Variants in TBC1D5 observed in about 807,000 individuals in gnomAD.
TBC1D5 encodes TBC1 domain family member 5.
Under a neutral mutation model 100.3 loss-of-function variants are expected in TBC1D5, and 75 were observed. The ratio of observed to expected loss-of-function variants is 0.75; its 90% CI spans 0.62 to 0.91. TBC1D5 has a LOEUF of 0.91. Among genes scored for constraint, TBC1D5 ranks in the 40% least tolerant of loss-of-function variants. TBC1D5 has a pLI of 0.00. For missense variants in TBC1D5, 910 were observed against 942.4 expected (o/e 0.97, Z 0.45); for synonymous variants, 323 against 325.6 (o/e 0.99, Z 0.09).
At position 17,508,563 on chromosome 3, in the gene TBC1D5, T is replaced by TG; in HGVS notation, c.7dup (p.His3ProfsTer5). 3 of 1,613,186 alleles carry TG rather than the reference T, an allele frequency of 1.9e-6. No individual in the cohort carries two copies. The highest frequency in any genetic ancestry group is 2.5e-6 in the Non-Finnish European group (3 of 1,179,230). ...AGGATGTCTAGTTTCAGATAAGGAA[T>TG]GATACATTGTGGGAACTGGACAGCG... On this transcript the variant is annotated frameshift_variant, in exon 3 of 22. Coordinates refer to ENST00000253692, the Ensembl canonical transcript of TBC1D5. LOFTEE classifies it high-confidence loss of function.
chr3:17,613,631 G>A (rs779344168), intron 2 of TBC1D5, among the ~76,000 whole-genome samples: 2 of 152,214 alleles, frequency 1.3e-5, no homozygotes, highest in Admixed American at 6.5e-5. Flanking sequence ...TTTCTCTGAT[G>A]ACCAGTGATA....
chr3:17,407,604 A>G (rs559845259), intron 4 of TBC1D5, among the ~76,000 whole-genome samples: 1 of 152,158 alleles, frequency 6.6e-6, no homozygotes, highest in African/African-American at 2.4e-5. Context: ...CTTGCATACT[A>G]TGCTTAGAGT....
intron 17 of TBC1D5, among the ~76,000 whole-genome samples, chr3:17,220,211 T>C (rs1257579466): frequency 6.6e-6 from 1 of 152,156 alleles, no homozygotes; most frequent in African/African-American, 2.4e-5. Context: ...ATATGCACAT[T>C]TTAAATTTAG....
Position 17,704,270 on chromosome 3 carries a change from G to A in TBC1D5, c.-101+35073C>T, listed in dbSNP as rs548213801. Among the ~76,000 whole-genome samples the A allele has an allele frequency of 1.7e-3, 251 of 145,160 alleles. 7 individuals carry two copies. In the East Asian group the frequency reaches 0.039, roughly 23 times the overall value. ...CACAGATCAACAGGATCCCAAGGCA[G>A]AGGAATTTTTCTTAGTGCAGAACAA... On this transcript the variant is annotated intron_variant, in intron 1 of 21. Transcript: ENST00000253692.
intron 3 of TBC1D5, among the ~76,000 whole-genome samples, chr3:17,474,461 C>G (rs908014963): frequency 5.9e-5 from 9 of 151,856 alleles, no homozygotes; most frequent in African/African-American, 2.2e-4. Context: ...GTTTTCTGTA[C>G]TAGGTATGAA....
intron 14 of TBC1D5, among the ~76,000 whole-genome samples, chr3:17,294,045 C>T (rs2082010982): frequency 6.6e-6 from 1 of 152,140 alleles, no homozygotes; most frequent in Admixed American, 6.5e-5. Flanking sequence ...TATTACAAGA[C>T]ATTTGTTTTG....
chr3:17,230,384 A>AT (rs1430505515), intron 17 of TBC1D5, among the ~76,000 whole-genome samples: 2 of 151,834 alleles, frequency 1.3e-5, no homozygotes, highest in African/African-American at 4.8e-5. Flanking sequence ...TTTAATATAT[A>AT]TTTTTTTCTC....
intron 19 of TBC1D5, among the ~76,000 whole-genome samples, chr3:17,181,652 G>A (rs570612233): frequency 6.6e-5 from 10 of 152,250 alleles, no homozygotes; most frequent in African/African-American, 1.9e-4. Flanking sequence ...TGCCTGCTAC[G>A]TATACAGGTT....
chr3:17,160,938 T>G (rs369498562), exon 22 of TBC1D5: 128 of 1,600,258 alleles, frequency 8.0e-5, no homozygotes, highest in Non-Finnish European at 1.0e-4. Context: ...GCTAGATCCC[T>G]GTGGGGCAGG....
At chr3:17,741,419 G>A (rs1290658465), upstream of TBC1D5, among the ~76,000 whole-genome samples, 1 of 152,178 alleles carries the variant, frequency 6.6e-6, no homozygotes, top group Non-Finnish European at 1.5e-5. Context: ...GATAGCAAAG[G>A]CTCATTTTTC....
At chr3:17,188,020 G>A (rs1433430751) in intron 18 of TBC1D5, among the ~76,000 whole-genome samples, 1 of 152,206 alleles carries the variant, frequency 6.6e-6, no homozygotes, top group East Asian at 1.9e-4. Context: ...CTCAAACTGG[G>A]TAGGAAGAAC....
chr3:17,704,272 G>A (rs1477888231), intron 1 of TBC1D5, among the ~76,000 whole-genome samples: 1 of 144,830 alleles, frequency 6.9e-6, no homozygotes, highest in East Asian at 2.1e-4. Flanking sequence ...CCAAGGCAGA[G>A]GAATTTTTCT....
chr3:17,359,616 A>C (rs900151315), intron 13 of TBC1D5, among the ~76,000 whole-genome samples: 4 of 152,080 alleles, frequency 2.6e-5, no homozygotes, highest in African/African-American at 9.6e-5. Flanking sequence ...TACACATATT[A>C]AGCAGTCTCT....
At chr3:17,501,236 C>T (rs1334756400) in intron 3 of TBC1D5, among the ~76,000 whole-genome samples, 1 of 149,076 alleles carries the variant, frequency 6.7e-6, no homozygotes, top group Non-Finnish European at 1.5e-5. Context: ...CAAGCCCTAT[C>T]CAAATCATTA....
intron 3 of TBC1D5, among the ~76,000 whole-genome samples, chr3:17,438,371 A>G (rs2094575716): frequency 6.6e-6 from 1 of 152,176 alleles, no homozygotes; most frequent in Non-Finnish European, 1.5e-5. Context: ...CTTGAATTGT[A>G]GTTCCCATAA....
intron 3 of TBC1D5, among the ~76,000 whole-genome samples, chr3:17,455,332 A>G (rs1198171554): frequency 1.3e-3 from 194 of 143,986 alleles, no homozygotes; most frequent in African/African-American, 5.0e-3. Flanking sequence ...ATGTGTATAT[A>G]TGTATATGTA....
At chr3:17,737,252 A>T (rs2077033991) in intron 1 of TBC1D5, among the ~76,000 whole-genome samples, 1 of 152,188 alleles carries the variant, frequency 6.6e-6, no homozygotes, top group Admixed American at 6.5e-5. Flanking sequence ...GAAGACTCAC[A>T]ATTAGAAGTG....
In TBC1D5 at chr3:17,436,304, TG is replaced by T. The variant is rs563075409; in HGVS notation, c.98-7786del. On this transcript the variant is annotated intron_variant, in intron 3 of 21. Coordinates refer to ENST00000253692, the Ensembl canonical transcript of TBC1D5. ...GGTAAGAAAGATTAAATGAGATAAA[TG>T]TATGTAAAGTGCTTATAGTACAATG... is the stretch of plus-strand genomic sequence containing the variant. Among the ~76,000 whole-genome samples the T allele has an allele frequency of 6.6e-4, 101 of 152,320 alleles. 3 individuals carry two copies. The highest frequency in any genetic ancestry group is 5.8e-3 in the South Asian group (28 of 4,832).
intron 1 of TBC1D5, among the ~76,000 whole-genome samples, chr3:17,671,735 GA>G: frequency 6.6e-6 from 1 of 152,182 alleles, no homozygotes; most frequent in East Asian, 1.9e-4. Context: ...TAATTATATA[GA>G]AAAAACATAC....
Sources: gnomAD v4.1 joint callset for allele counts (sites outside exome capture counted in the v4.1 genomes callset) on GRCh38, gnomAD v4.1.1 for gene constraint, MANE v1.5 for transcripts, NCBI Gene and HGNC (gene_info 2026-07-23, HGNC 2026-07-21) for gene names.